DRG1: variants seen among roughly 807,000 people sequenced by gnomAD.
DRG1 encodes the protein developmentally regulated GTP binding protein 1, also known as developmentally-regulated GTP-binding protein 1.
Under a neutral mutation model 38.8 loss-of-function variants are expected in DRG1, and 19 were observed. The ratio of observed to expected loss-of-function variants is 0.49; its 90% CI spans 0.34 to 0.72. The LOEUF (loss-of-function observed/expected upper bound fraction) is 0.72, where lower values mean the gene tolerates loss of function less well. DRG1 is among the 30% of genes least tolerant of loss of function. The pLI, the probability that DRG1 is intolerant of heterozygous loss-of-function variation, is 0.01. For synonymous variants in DRG1, 167 were observed against 157.5 expected (o/e 1.06, Z -0.45); for missense variants, 299 against 444.8 (o/e 0.67, Z 2.95).
At chr22:31,408,614 A>G (rs560064483) in intron 3 of DRG1, among the ~76,000 whole-genome samples, 2 of 151,954 alleles carry the variant, frequency 1.3e-5, no homozygotes, top group East Asian at 3.9e-4. Flanking sequence ...TTGGTGGGGC[A>G]TGGTGGCGAG....
intron 3 of DRG1, among the ~76,000 whole-genome samples, chr22:31,409,801 C>A (rs1203021903): frequency 1.3e-5 from 2 of 151,908 alleles, no homozygotes; most frequent in Non-Finnish European, 2.9e-5. Flanking sequence ...CGAGACCAGC[C>A]TGGGCAACAC....
chr22:31,405,300 T>C (rs904320602), intron 3 of DRG1, among the ~76,000 whole-genome samples: 18 of 151,922 alleles, frequency 1.2e-4, no homozygotes, highest in Non-Finnish European at 2.1e-4. Context: ...CTCAAGTAGC[T>C]GGGACTACAT....
Position 31,424,805 on chromosome 22 carries a change from C to CG in DRG1, c.713+1395_713+1396insG, listed in dbSNP as rs1555899168. Among the ~76,000 whole-genome samples the CG allele has an allele frequency of 1.0e-4, 2 of 19,220 alleles. 1 individual carries two copies. Among genetic ancestry groups the CG allele is most frequent in the African/African-American group, 4.3e-4 (2 of 4,602 alleles). The allele number at this position is 19,220 out of a possible 152,430, so 12.6% of individuals were successfully genotyped here. A position where few individuals can be genotyped will look rare whatever the true frequency, so the allele number is the denominator to read the frequency against. Reference sequence around the variant, plus strand: ...AGCTGCTGTGCCCGGCACCCGCCCCCCCCCCCTTTTTTTTTTTTTTGGAGT... The same window carrying CG: ...AGCTGCTGTGCCCGGCACCCGCCCCCGCCCCCCTTTTTTTTTTTTTTGGAGT... On this transcript the variant is annotated intron_variant, in intron 6 of 8. Transcript: ENST00000331457.
At chr22:31,433,393 C>T (rs952082865) in intron 8 of DRG1, among the ~76,000 whole-genome samples, 1 of 151,612 alleles carries the variant, frequency 6.6e-6, no homozygotes, top group African/African-American at 2.4e-5. Context: ...GCCTCAGCCT[C>T]CCGAGTAGTT....
intron 7 of DRG1, 115 bp downstream of exon 7, chr22:31,426,897 T>A: frequency 6.7e-7 from 1 of 1,494,640 alleles, no homozygotes; most frequent in Non-Finnish European, 9.0e-7. Flanking sequence ...ATAAGTAAAT[T>A]GGTTCCTATT....
At chr22:31,423,910 G>A (rs1315026066) in intron 6 of DRG1, among the ~76,000 whole-genome samples, 1 of 148,924 alleles carries the variant, frequency 6.7e-6, no homozygotes, top group African/African-American at 2.5e-5. Context: ...TGTTAGCCAG[G>A]CTGGAGTGCA....
At chr22:31,404,618 T>C (rs5997976) in intron 3 of DRG1, among the ~76,000 whole-genome samples, 1 of 151,734 alleles carries the variant, frequency 6.6e-6, no homozygotes, top group Non-Finnish European at 1.5e-5. Flanking sequence ...TAATTCCATG[T>C]TTTTTTGTTT....
intron 8 of DRG1, among the ~76,000 whole-genome samples, chr22:31,429,068 A>G (rs1432004680): frequency 1.3e-5 from 2 of 152,048 alleles, no homozygotes; most frequent in East Asian, 3.9e-4. Context: ...TGAGACTGTG[A>G]AAGTCCTTTT....
intron 5 of DRG1, among the ~76,000 whole-genome samples, chr22:31,421,804 A>G (rs984246777): frequency 2.0e-5 from 3 of 152,150 alleles, no homozygotes; most frequent in Admixed American, 6.6e-5. Context: ...GAGATCACCA[A>G]GGATGTGAGT....
intron 8 of DRG1, among the ~76,000 whole-genome samples, chr22:31,431,047 T>A (rs1462663377): frequency 7.4e-6 from 1 of 135,878 alleles, no homozygotes; most frequent in Non-Finnish European, 1.6e-5. Context: ...TTTTTTTTTT[T>A]TTTTTTGAGA....
chr22:31,414,305 C>T (rs1300587596), intron 4 of DRG1, among the ~76,000 whole-genome samples: 1 of 152,068 alleles, frequency 6.6e-6, no homozygotes, highest in East Asian at 1.9e-4. Context: ...CATATCTCTG[C>T]TTGGATGTCT....
chr22:31,427,019 A>G, intron 7 of DRG1, 41 bp from the exon 8 acceptor site: 2 of 1,611,420 alleles, frequency 1.2e-6, no homozygotes. Flanking sequence ...CACATGAGAT[A>G]GTCTAAGAAG....
At chr22:31,401,321 GC>G (rs1194280282) in intron 2 of DRG1, among the ~76,000 whole-genome samples, 1 of 151,024 alleles carries the variant, frequency 6.6e-6, no homozygotes, top group East Asian at 2.0e-4. Context: ...GGTGGCTCAC[GC>G]CTGTAATCCT....
At chr22:31,421,558 T>C (rs146518185) in intron 5 of DRG1, among the ~76,000 whole-genome samples, 1 of 152,130 alleles carries the variant, frequency 6.6e-6, no homozygotes, top group East Asian at 1.9e-4. Context: ...TCCAGGTATT[T>C]CAGTCAAGAG....
intron 8 of DRG1, among the ~76,000 whole-genome samples, chr22:31,428,040 C>T (rs2050120399): frequency 1.3e-5 from 2 of 151,940 alleles, no homozygotes; most frequent in East Asian, 2.0e-4. Context: ...TTATTAGAGA[C>T]GAGGTCTTGC....
intron 8 of DRG1, among the ~76,000 whole-genome samples, chr22:31,431,035 CTTTTTTTT>C (rs1365360511): frequency 1.8e-5 from 1 of 56,768 alleles, no homozygotes; most frequent in Non-Finnish European, 3.2e-5. Flanking sequence ...CCCCCCCCCG[CTTTTTTTT>C]TTTTTTTTTT....
At chr22:31,420,871 G>A (rs1263350150) in intron 5 of DRG1, among the ~76,000 whole-genome samples, 2 of 152,176 alleles carry the variant, frequency 1.3e-5, no homozygotes, top group Non-Finnish European at 2.9e-5. Flanking sequence ...AAAATATAAT[G>A]TATTCGTCAA....
intron 8 of DRG1, among the ~76,000 whole-genome samples, chr22:31,429,422 T>A (rs888521223): frequency 6.6e-6 from 1 of 152,104 alleles, no homozygotes; most frequent in Non-Finnish European, 1.5e-5. Flanking sequence ...ACGCCTGGCC[T>A]AATGGTGATT....
chr22:31,418,189 T>C (rs2050054971), intron 4 of DRG1, among the ~76,000 whole-genome samples: 1 of 151,798 alleles, frequency 6.6e-6, no homozygotes, highest in African/African-American at 2.4e-5. Context: ...ATACCTGTAA[T>C]CCCAGCACTT....
Sources: gnomAD v4.1 joint callset for allele counts (sites outside exome capture counted in the v4.1 genomes callset) on GRCh38, gnomAD v4.1.1 for gene constraint, MANE v1.5 for transcripts, NCBI Gene and HGNC (gene_info 2026-07-23, HGNC 2026-07-21) for gene names.